USP34: variants seen among roughly 807,000 people sequenced by gnomAD.
USP34 encodes ubiquitin specific peptidase 34.
A neutral mutation model predicts 460.3 loss-of-function variants in USP34; 70 were observed. The ratio of observed to expected loss-of-function variants is 0.15; its 90% CI spans 0.13 to 0.19. USP34 has a LOEUF of 0.19. Ranked by LOEUF, USP34 falls within the 10% of genes least tolerant of loss-of-function variation. The probability of loss-of-function intolerance (pLI) is 1.00; values close to 1 mark genes in which losing one functional copy is unlikely to be tolerated. For missense variants in USP34, 3,985 were observed against 4,236.2 expected (o/e 0.94, Z 1.65); for synonymous variants, 1,647 against 1,405.3 (o/e 1.17, Z -3.85).
At chr2:61,398,971 T>C (rs553184565) in intron 3 of USP34, among the ~76,000 whole-genome samples, 15 of 152,322 alleles carry the variant, frequency 9.8e-5, no homozygotes, top group African/African-American at 3.6e-4. Context: ...AGACCTCCTG[T>C]GGTATTGTTA....
intron 57 of USP34, among the ~76,000 whole-genome samples, chr2:61,232,758 T>A (rs556462501): frequency 2.0e-5 from 3 of 151,964 alleles, no homozygotes; most frequent in Admixed American, 6.6e-5. Context: ...ACAATGTGCA[T>A]GACAATCTGT....
chr2:61,257,209 C>T lies in USP34; in HGVS notation c.5986G>A (p.Glu1996Lys), dbSNP rs188433515. The T allele has an allele frequency of 3.7e-6, 6 of 1,607,040 alleles. No homozygotes were observed. In the East Asian group the frequency reaches 6.7e-5, roughly 18 times the overall value. Residue 1996 changes from glutamate to lysine, a missense_variant, in exon 45 of 80, where the codon GAA (glutamate) becomes AAA (lysine). Glu to Lys is a moderately conservative substitution (Grantham distance 56). Transcript: ENST00000398571. ...LITKIEEMSP[E>K]LKNTVKSLFG... ...TTCAGTATTCTGATACTAACCAGTT[C>T]GGGAGACATTTCTTCGATTTTGGTA... is the stretch of plus-strand genomic sequence containing the variant.
In USP34 at chr2:61,250,813, T is replaced by C. The variant is rs149408525; in HGVS notation, c.6222-2130A>G. On this transcript the variant is annotated intron_variant, in intron 48 of 79. Transcript: ENST00000398571. ...AAATCAGGCCGATCTACAATTATAC[T>C]TAAGGGATCAATAGGCAAGTCAGAA... Among the ~76,000 whole-genome samples the C allele has an allele frequency of 2.6e-4, 40 of 152,316 alleles. 1 individual carries two copies. Among genetic ancestry groups the C allele is most frequent in the Non-Finnish European group, 3.1e-4 (21 of 68,022 alleles).
chr2:61,248,224 A>C (rs1688475043), intron 49 of USP34, among the ~76,000 whole-genome samples: 1 of 151,432 alleles, frequency 6.6e-6, no homozygotes, highest in Non-Finnish European at 1.5e-5. Flanking sequence ...AAAAAACAAC[A>C]TAAAAAGACT....
intron 3 of USP34, among the ~76,000 whole-genome samples, chr2:61,402,885 CAT>C (rs1175358139): frequency 6.6e-6 from 1 of 152,030 alleles, no homozygotes; most frequent in South Asian, 2.1e-4. Context: ...AATTTTATAA[CAT>C]GTATGCTACC....
At chr2:61,322,688 T>A (rs1195315028) in intron 21 of USP34, among the ~76,000 whole-genome samples, 9 of 152,184 alleles carry the variant, frequency 5.9e-5, no homozygotes, top group Non-Finnish European at 1.2e-4. Flanking sequence ...AGTAGCAGTA[T>A]CAGTCTAAAG....
chr2:61,256,021 C>G (rs1688715694), intron 48 of USP34, among the ~76,000 whole-genome samples: 1 of 152,186 alleles, frequency 6.6e-6, no homozygotes, highest in Non-Finnish European at 1.5e-5. Flanking sequence ...GGTCTTGCAA[C>G]ATTTCCCGAG....
chr2:61,446,132 A>T (rs1190772954), intron 1 of USP34, among the ~76,000 whole-genome samples: 2 of 151,472 alleles, frequency 1.3e-5, no homozygotes, highest in South Asian at 4.2e-4. Context: ...AAAAAAAAAA[A>T]AACTAAACTA....
chr2:61,401,757 A>G (rs149061724), intron 3 of USP34, among the ~76,000 whole-genome samples: 4,786 of 139,904 alleles, frequency 0.034, 277 homozygotes, highest in African/African-American at 0.12. Flanking sequence ...ACAGCGTTTT[A>G]CCGTGTTAGC....
intron 5 of USP34, among the ~76,000 whole-genome samples, chr2:61,394,533 CAAAAAAAAA>C (rs200686763): frequency 9.1e-6 from 1 of 110,062 alleles, no homozygotes; most frequent in Non-Finnish European, 1.9e-5. Flanking sequence ...CCCTCTCTCT[CAAAAAAAAA>C]AAAAAAAAAA....
At chr2:61,315,701 G>A (rs1005803969) in intron 23 of USP34, among the ~76,000 whole-genome samples, 1 of 152,096 alleles carries the variant, frequency 6.6e-6, no homozygotes, top group Admixed American at 6.6e-5. Flanking sequence ...TGTCAACCAT[G>A]AGATGACAAC....
chr2:61,406,876 G>A (rs1031490653), intron 2 of USP34, among the ~76,000 whole-genome samples: 1 of 151,908 alleles, frequency 6.6e-6, no homozygotes, highest in Non-Finnish European at 1.5e-5. Context: ...TGGGTATGGT[G>A]GTGGGCACCT....
At chr2:61,446,518 G>T (rs944875549) in intron 1 of USP34, among the ~76,000 whole-genome samples, 1 of 152,188 alleles carries the variant, frequency 6.6e-6, no homozygotes, top group Non-Finnish European at 1.5e-5. Flanking sequence ...GATGTAGGCT[G>T]GGCGTGGTAG....
chr2:61,276,169 T>C (rs1457335189), intron 41 of USP34, among the ~76,000 whole-genome samples: 1 of 152,208 alleles, frequency 6.6e-6, no homozygotes, highest in Non-Finnish European at 1.5e-5. Flanking sequence ...AATCTGCAGA[T>C]GCTTGAAAAA....
intron 29 of USP34, among the ~76,000 whole-genome samples, chr2:61,300,020 T>A (rs758059719): frequency 6.6e-6 from 1 of 152,182 alleles, no homozygotes; most frequent in African/African-American, 2.4e-5. Flanking sequence ...CACCAAGTGA[T>A]GTTGTTTTGA....
At chr2:61,298,918 T>C (rs1182152188) in intron 29 of USP34, among the ~76,000 whole-genome samples, 3 of 152,120 alleles carry the variant, frequency 2.0e-5, no homozygotes, top group South Asian at 2.1e-4. Context: ...AAATCTGTAA[T>C]GCTTTTCTCT....
chr2:61,243,742 G>A (rs1186522429), intron 51 of USP34, among the ~76,000 whole-genome samples: 3 of 151,510 alleles, frequency 2.0e-5, no homozygotes, highest in Non-Finnish European at 4.4e-5. Flanking sequence ...ATGGTGGCGC[G>A]TGCCTGTAAT....
intron 57 of USP34, among the ~76,000 whole-genome samples, chr2:61,232,867 C>T (rs1353018687): frequency 4.2e-5 from 5 of 118,810 alleles, no homozygotes; most frequent in Non-Finnish European, 8.7e-5. Flanking sequence ...TATTCCCCCC[C>T]CCCTTTTTTT....
At chr2:61,200,899 G>T (rs536818418) in intron 75 of USP34, 1 of 152,312 alleles carries the variant, frequency 6.6e-6, no homozygotes, top group South Asian at 2.1e-4. Context: ...TTAATGATAG[G>T]ATTGTTTTTA....
Sources: gnomAD v4.1 joint callset for allele counts (sites outside exome capture counted in the v4.1 genomes callset) on GRCh38, gnomAD v4.1.1 for gene constraint, MANE v1.5 for transcripts, NCBI Gene and HGNC (gene_info 2026-07-23, HGNC 2026-07-21) for gene names.